The following CCDC141 variants were observed in gnomAD, a reference collection of about 807,000 sequenced individuals.
CCDC141 encodes coiled-coil domain-containing protein 141.
A neutral mutation model predicts 181.0 loss-of-function variants in CCDC141; 168 were observed. The ratio of observed to expected loss-of-function variants is 0.93; its 90% confidence interval spans 0.82 to 1.05. CCDC141 has a LOEUF of 1.05. CCDC141 is among the 50% of genes least tolerant of loss of function. The probability of loss-of-function intolerance (pLI) is 0.00; values close to 1 mark genes in which losing one functional copy is unlikely to be tolerated. For synonymous variants in CCDC141, 666 were observed against 642.3 expected (o/e 1.04, Z -0.56); for missense variants, 1,902 against 1,788.5 (o/e 1.06, Z -1.14).
intron 2 of CCDC141, among the ~76,000 whole-genome samples, chr2:178,989,039 T>C (rs1691898830): frequency 6.6e-6 from 1 of 152,212 alleles, no homozygotes; most frequent in Non-Finnish European, 1.5e-5. Flanking sequence ...AAGCTAAAAC[T>C]ATAAAATTTT....
At chr2:178,872,050 TTAGC>T in intron 13 of CCDC141, 79 bp downstream of exon 13, 4 of 1,344,250 alleles carry the variant, frequency 3.0e-6, no homozygotes, top group Non-Finnish European at 4.1e-6. Flanking sequence ...CTTATTTCAC[TTAGC>T]TAGTGTTTTC....
At chr2:178,846,205 G>A (rs1684933262) in intron 21 of CCDC141, among the ~76,000 whole-genome samples, 1 of 152,162 alleles carries the variant, frequency 6.6e-6, no homozygotes, top group Non-Finnish European at 1.5e-5. Context: ...AAATATCACT[G>A]AGTATAGTAA....
intron 6 of CCDC141, among the ~76,000 whole-genome samples, chr2:178,926,893 A>G (rs567476745): frequency 6.6e-6 from 1 of 152,334 alleles, no homozygotes; most frequent in South Asian, 2.1e-4. Context: ...ATCACTATGT[A>G]CCCCATAAAT....
intron 9 of CCDC141, 90 bp from the exon 10 acceptor site, chr2:178,886,961 A>G (rs899777565): frequency 1.4e-6 from 1 of 726,100 alleles, no homozygotes; most frequent in Non-Finnish European, 2.0e-6. Flanking sequence ...ATTATTTTAT[A>G]GATTCTCATT....
chr2:178,953,233 G>A (rs779713590), intron 5 of CCDC141, among the ~76,000 whole-genome samples: 16 of 152,050 alleles, frequency 1.1e-4, no homozygotes, highest in African/African-American at 2.7e-4. Flanking sequence ...TCAGAAGATC[G>A]AGACCATCCT....
At chr2:178,868,310 C>G (rs1439315312) in intron 15 of CCDC141, 105 bp from the exon 16 acceptor site, 2 of 890,286 alleles carry the variant, frequency 2.2e-6, no homozygotes, top group African/African-American at 3.3e-5. Context: ...GAAATGCTGC[C>G]AAGCCCATCT....
chr2:178,869,412 A>G (rs530853393), intron 14 of CCDC141, 107 bp from the exon 15 acceptor site: 2 of 791,056 alleles, frequency 2.5e-6, no homozygotes, highest in East Asian at 2.9e-5. Context: ...ATTTGTTAAC[A>G]AATACTTATT....
chr2:178,881,250 G>T (rs1047329677), intron 11 of CCDC141, among the ~76,000 whole-genome samples: 9 of 152,230 alleles, frequency 5.9e-5, no homozygotes, highest in African/African-American at 2.2e-4. Flanking sequence ...ACTTGCCTGA[G>T]GCTGGGGGTG....
chr2:179,031,938 A>G (rs909708870), intron 2 of CCDC141, among the ~76,000 whole-genome samples: 1 of 152,012 alleles, frequency 6.6e-6, no homozygotes, highest in African/African-American at 2.4e-5. Flanking sequence ...TGAATTTGAG[A>G]GCTTGTGGTT....
intron 22 of CCDC141, among the ~76,000 whole-genome samples, chr2:178,840,964 G>C (rs1684692538): frequency 6.6e-6 from 1 of 152,132 alleles, no homozygotes; most frequent in African/African-American, 2.4e-5. Flanking sequence ...TGTTTCTAGA[G>C]TTGTTTACTT....
chr2:178,865,686 CA>C (rs1685814825), intron 17 of CCDC141, 80 bp downstream of exon 17: 2 of 1,298,164 alleles, frequency 1.5e-6, no homozygotes, highest in Non-Finnish European at 2.0e-6. Flanking sequence ...GGAGTGTGCA[CA>C]AATGTGGACA....
At chr2:178,858,624 C>T (rs1286020024) in intron 17 of CCDC141, among the ~76,000 whole-genome samples, 2 of 152,014 alleles carry the variant, frequency 1.3e-5, no homozygotes, top group African/African-American at 2.4e-5. Flanking sequence ...AACAGTTAAG[C>T]TGGTAAATTT....
intron 6 of CCDC141, among the ~76,000 whole-genome samples, chr2:178,939,187 G>C (rs1689408132): frequency 6.6e-6 from 1 of 152,140 alleles, no homozygotes; most frequent in Non-Finnish European, 1.5e-5. Context: ...ATCACACAGA[G>C]CCTTACGTTT....
the CCDC141 span, among the ~76,000 whole-genome samples, chr2:178,821,912 T>C: frequency 1.3e-5 from 2 of 152,276 alleles, no homozygotes; most frequent in East Asian, 3.9e-4. Context: ...ACTGGGTATA[T>C]ACCCAAAGGA....
intron 12 of CCDC141, 134 bp from the exon 13 acceptor site, chr2:178,872,446 C>T: frequency 1.3e-6 from 1 of 756,958 alleles, no homozygotes; most frequent in Non-Finnish European, 2.1e-6. Context: ...CAAGCAAGTC[C>T]GAAATCCCTG....
intron 1 of CCDC141, among the ~76,000 whole-genome samples, chr2:179,049,519 T>C (rs913225811): frequency 6.6e-6 from 1 of 152,178 alleles, no homozygotes; most frequent in Non-Finnish European, 1.5e-5. Context: ...CAGTTACCAA[T>C]GCCTTGCTTT....
chr2:178,909,359 CA>C (rs1688120685), intron 7 of CCDC141, among the ~76,000 whole-genome samples: 1 of 152,118 alleles, frequency 6.6e-6, no homozygotes, highest in South Asian at 2.1e-4. Flanking sequence ...AGAACTACAG[CA>C]GTAGAAAGGA....
intron 2 of CCDC141, among the ~76,000 whole-genome samples, chr2:179,007,909 T>A (rs1044261189): frequency 1.3e-5 from 2 of 152,222 alleles, no homozygotes; most frequent in African/African-American, 4.8e-5. Context: ...AGATTATCTA[T>A]CACAATCACG....
At chr2:178,981,066 G>T (rs748607901) in intron 2 of CCDC141, among the ~76,000 whole-genome samples, 10 of 152,128 alleles carry the variant, frequency 6.6e-5, no homozygotes, top group Non-Finnish European at 1.5e-4. Context: ...TTCTAAATGG[G>T]TATGAGCCTA....
Sources: gnomAD v4.1 joint callset for allele counts (sites outside exome capture counted in the v4.1 genomes callset) on GRCh38, gnomAD v4.1.1 for gene constraint, MANE v1.5 for transcripts, NCBI Gene and HGNC (gene_info 2026-07-23, HGNC 2026-07-21) for gene names.